PFKFB1: variants seen among roughly 807,000 people sequenced by gnomAD.
PFKFB1 encodes the protein 6-phosphofructo-2-kinase/fructose-2,6-biphosphatase 1, also known as 6-phosphofructo-2-kinase/fructose-2,6-bisphosphatase 1.
In PFKFB1, 34 loss-of-function variants were observed where a neutral mutation model predicts 46.4. That is an observed-to-expected ratio of 0.73 (90% CI 0.56 to 0.98). PFKFB1 has a LOEUF of 0.98. Among genes scored for constraint, PFKFB1 ranks in the 50% least tolerant of loss-of-function variants. The pLI is 0.00. For missense variants in PFKFB1, 393 were observed against 376.3 expected, an observed-to-expected ratio of 1.04 and a Z score of -0.37; for synonymous variants, 119 against 133.8, an observed-to-expected ratio of 0.89 and a Z score of 0.76.
At chrX:54,978,627 T>C (rs188961917) in intron 1 of PFKFB1, among the ~76,000 whole-genome samples, 116 of 111,670 alleles carry the variant, frequency 1.0e-3, no homozygotes, top group Non-Finnish European at 1.3e-3. Flanking sequence ...AATGATTCAC[T>C]TCCAAAGAAT....
intron 1 of PFKFB1, among the ~76,000 whole-genome samples, chrX:54,972,230 G>C (rs1295883176): frequency 1.8e-5 from 2 of 111,130 alleles, no homozygotes; most frequent in African/African-American, 3.3e-5. Flanking sequence ...AGCTTAAGGA[G>C]ATTTTGGGAT....
intron 1 of PFKFB1, among the ~76,000 whole-genome samples, chrX:54,976,504 G>C (rs1175222013): frequency 9.0e-6 from 1 of 111,702 alleles, no homozygotes; most frequent in Non-Finnish European, 1.9e-5. Context: ...TGCTGGCAAG[G>C]ATGTATTACA....
chrX:54,991,577 A>T (rs189967334), intron 1 of PFKFB1, among the ~76,000 whole-genome samples: 123 of 102,790 alleles, frequency 1.2e-3, no homozygotes, highest in African/African-American at 4.3e-3. Context: ...GTGTGTTTGT[A>T]TATGTGTGTA....
At chrX:54,977,200 A>G (rs889121773) in intron 1 of PFKFB1, among the ~76,000 whole-genome samples, 36 of 111,459 alleles carry the variant, frequency 3.2e-4, no homozygotes, top group African/African-American at 1.1e-3. Flanking sequence ...CTATATTACA[A>G]GTATATATAT....
At chrX:54,938,819 T>G (rs1350058798) in intron 10 of PFKFB1, among the ~76,000 whole-genome samples, 1 of 111,265 alleles carries the variant, frequency 9.0e-6, no homozygotes, top group African/African-American at 3.3e-5. Context: ...CTGTCAACAT[T>G]AGACAGATCA....
At chrX:54,940,786 G>A (rs1411730585) in intron 10 of PFKFB1, among the ~76,000 whole-genome samples, 1 of 111,703 alleles carries the variant, frequency 9.0e-6, no homozygotes, top group African/African-American at 3.3e-5. Flanking sequence ...TGGGTAGGAA[G>A]AATCAATATC....
intron 13 of PFKFB1, among the ~76,000 whole-genome samples, 161 bp from the exon 14 acceptor site, chrX:54,933,623 C>T (rs997854002): frequency 8.9e-6 from 1 of 112,010 alleles, no homozygotes; most frequent in Non-Finnish European, 1.9e-5. Flanking sequence ...GCCTTTTAGG[C>T]GGGAATTGCC....
At chrX:54,963,715 A>G (rs776549835) in intron 1 of PFKFB1, among the ~76,000 whole-genome samples, 1 of 112,438 alleles carries the variant, frequency 8.9e-6, no homozygotes, top group South Asian at 3.6e-4. Flanking sequence ...CTAGTGTGAG[A>G]ATGTGAAGCC....
chrX:54,940,157 T>C (rs1246579026), intron 10 of PFKFB1, among the ~76,000 whole-genome samples: 3 of 111,845 alleles, frequency 2.7e-5, no homozygotes, highest in South Asian at 3.7e-4. Flanking sequence ...ATTATCTCAA[T>C]AGACGCAGAA....
At chrX:54,973,646 A>G (rs1028436077) in intron 1 of PFKFB1, among the ~76,000 whole-genome samples, 5 of 110,976 alleles carry the variant, frequency 4.5e-5, no homozygotes, top group African/African-American at 9.8e-5. Flanking sequence ...GTAGGTGAGC[A>G]GTTTTGAGTG....
At chrX:54,949,387 A>G (rs1233767400) in intron 8 of PFKFB1, among the ~76,000 whole-genome samples, 166 bp from the exon 9 acceptor site, 1 of 108,060 alleles carries the variant, frequency 9.3e-6, no homozygotes, top group Non-Finnish European at 1.9e-5. Flanking sequence ...ACTCTTTCCA[A>G]TGTGATGGTG....
upstream of PFKFB1, chrX:54,994,659 T>C: frequency 2.7e-6 from 2 of 754,044 alleles, no homozygotes; most frequent in Non-Finnish European, 3.1e-6. Flanking sequence ...GAAGGTCCAC[T>C]ACTTCTCTGC....
chrX:54,952,528 T>C (rs1472437902), intron 7 of PFKFB1, among the ~76,000 whole-genome samples: 1 of 109,302 alleles, frequency 9.1e-6, no homozygotes, highest in African/African-American at 3.4e-5. Flanking sequence ...TTTCTGATCC[T>C]GAGTTGAGCT....
At chrX:54,988,974 G>T (rs1161824216) in intron 1 of PFKFB1, among the ~76,000 whole-genome samples, 1 of 112,190 alleles carries the variant, frequency 8.9e-6, no homozygotes, top group East Asian at 2.8e-4. Flanking sequence ...AAACGAGCCA[G>T]ATACAAAAGG....
intron 10 of PFKFB1, among the ~76,000 whole-genome samples, chrX:54,939,770 T>G (rs1433307362): frequency 1.8e-5 from 2 of 111,392 alleles, no homozygotes; most frequent in African/African-American, 3.3e-5. Flanking sequence ...CAACCAAAAA[T>G]AGTCCAGGAC....
At chrX:54,942,298 C>T (rs1490775753) in intron 10 of PFKFB1, among the ~76,000 whole-genome samples, 4 of 111,033 alleles carry the variant, frequency 3.6e-5, no homozygotes, top group South Asian at 3.9e-4. Flanking sequence ...ATGTAAATGA[C>T]GATTTAATAG....
At chrX:54,998,035 C>A (rs1935382110), upstream of PFKFB1, among the ~76,000 whole-genome samples, 1 of 111,899 alleles carries the variant, frequency 8.9e-6, no homozygotes. Context: ...TACTGATGCC[C>A]AGAGAAGCAA....
chrX:54,997,438 T>C (rs1935374078), upstream of PFKFB1, among the ~76,000 whole-genome samples: 1 of 111,745 alleles, frequency 8.9e-6, no homozygotes, highest in Admixed American at 9.5e-5. Context: ...AAGAAAAGAT[T>C]ACAATGTGAT....
intron 1 of PFKFB1, among the ~76,000 whole-genome samples, chrX:54,968,253 T>C (rs1313355883): frequency 2.8e-5 from 2 of 71,904 alleles, no homozygotes; most frequent in African/African-American, 1.1e-4. Context: ...TTCTCACTCA[T>C]AGGTGCAAAT....
Sources: allele counts gnomAD v4.1 joint callset (sites outside exome capture counted in the v4.1 genomes callset), GRCh38; gene constraint gnomAD v4.1.1; transcripts MANE v1.5; gene names NCBI Gene and HGNC (gene_info 2026-07-23, HGNC 2026-07-21).